ABAT: variants seen among roughly 807,000 people sequenced by gnomAD.
ABAT encodes 4-aminobutyrate aminotransferase.
ABAT carries 45 observed loss-of-function variants against 64.6 expected under a neutral mutation model. The ratio of observed to expected loss-of-function variants is 0.70; its 90% CI spans 0.55 to 0.89. The LOEUF (loss-of-function observed/expected upper bound fraction) is 0.89, where lower values mean the gene tolerates loss of function less well. ABAT is among the 40% of genes least tolerant of loss of function. The pLI, the probability that ABAT is intolerant of heterozygous loss-of-function variation, is 0.00. For missense variants in ABAT, 633 were observed against 658.4 expected, an observed-to-expected ratio of 0.96 and a Z score of 0.42; for synonymous variants, 297 against 250.5, an observed-to-expected ratio of 1.19 and a Z score of -1.75.
chr16:8,773,182 C>A (rs1411326053), intron 12 of ABAT, among the ~76,000 whole-genome samples: 1 of 149,742 alleles, frequency 6.7e-6, no homozygotes, highest in Non-Finnish European at 1.5e-5. Flanking sequence ...GACAGAGTCT[C>A]ACTCTGTTAC....
At chr16:8,712,367 G>T (rs2058096242) in intron 1 of ABAT, among the ~76,000 whole-genome samples, 1 of 152,212 alleles carries the variant, frequency 6.6e-6, no homozygotes, top group South Asian at 2.1e-4. Context: ...AAAACAGGAT[G>T]TGATAAAGCA....
chr16:8,779,726 C>T (rs756311926), intron 15 of ABAT, 136 bp downstream of exon 15: 1 of 721,022 alleles, frequency 1.4e-6, no homozygotes, highest in Non-Finnish European at 2.5e-6. Flanking sequence ...AGCCTGAATG[C>T]TCTTTCTCCA....
chr16:8,699,631 G>A lies in ABAT; in HGVS notation c.-42+24920G>A, dbSNP rs148386266. 3.0e-3 allele frequency among the ~76,000 whole-genome samples: 462 copies of A among 151,562 alleles called. 5 individuals carry two copies. The highest frequency in any genetic ancestry group is 0.01 in the African/African-American group (432 of 41,324). On this transcript the variant is annotated intron_variant, in intron 1 of 15. Coordinates refer to ENST00000268251, the MANE Select transcript of ABAT (RefSeq NM_020686.6). ...GGCTGGAGTGCAGTGGTGTGATCTCGGCTCACTGCAACCTTGGCCTCCTGG... is the reference window on the plus strand; with the variant it reads ...GGCTGGAGTGCAGTGGTGTGATCTCAGCTCACTGCAACCTTGGCCTCCTGG...
intron 1 of ABAT, among the ~76,000 whole-genome samples, chr16:8,726,038 T>A (rs1019659002): frequency 6.6e-5 from 10 of 151,766 alleles, no homozygotes; most frequent in Non-Finnish European, 1.0e-4. Flanking sequence ...TTCTTTCTAA[T>A]TTTTTTTGTA....
chr16:8,685,651 G>C (rs1289158452), intron 1 of ABAT, among the ~76,000 whole-genome samples: 2 of 152,154 alleles, frequency 1.3e-5, no homozygotes, highest in African/African-American at 4.8e-5. Flanking sequence ...ACTCCAGCCT[G>C]GGCAACAGAG....
rs1216400203 is a variant in ABAT, at chr16:8,776,391, G to T, written c.1170G>T (p.Leu390=). ...GGCTGGGGGACCCGTCCAAGAACCT[G>T]TTGCTGGCTGAGGTCATCAACATCA... ...NTWLGDPSKN[L]LLAEVINIIK... The change falls in exon 14 of 16, where the codon CTG becomes CTT. Residue 390 remains leucine, a synonymous_variant. Transcript: ENST00000268251. This position sits in a 1 kb window ranked among gnomAD's most constrained non-coding sequence, Gnocchi z 4.4. 1.2e-6 allele frequency: 2 copies of T among 1,614,218 alleles called. No homozygotes were observed. Among genetic ancestry groups the T allele is most frequent in the Non-Finnish European group, 1.7e-6 (2 of 1,180,042 alleles).
At chr16:8,718,662 A>T (rs2058279911) in intron 1 of ABAT, among the ~76,000 whole-genome samples, 1 of 152,192 alleles carries the variant, frequency 6.6e-6, no homozygotes, top group Non-Finnish European at 1.5e-5. Context: ...CTCTGGGAAG[A>T]TGACCCCTAA....
intron 1 of ABAT, among the ~76,000 whole-genome samples, chr16:8,697,799 C>G (rs2057736982): frequency 6.6e-6 from 1 of 152,070 alleles, no homozygotes; most frequent in Admixed American, 6.6e-5. Context: ...CCACGCCCAG[C>G]TAATTTTTTG....
chr16:8,727,059 T>C (rs1335081407), intron 1 of ABAT, among the ~76,000 whole-genome samples: 4 of 152,158 alleles, frequency 2.6e-5, no homozygotes, highest in Non-Finnish European at 4.4e-5. Flanking sequence ...TTCTATAGAG[T>C]TGTTTGACCT....
Position 8,784,082 on chromosome 16 carries a change from G to A in ABAT, c.*2652G>A, listed in dbSNP as rs1341600497. 6.6e-6 allele frequency: 1 copy of A among 152,526 alleles called. No individual in the cohort carries two copies. Among genetic ancestry groups the A allele is most frequent in the African/African-American group, 2.4e-5 (1 of 41,434 alleles). The allele number at this position is 152,526 out of a possible 1,614,324, so 9.4% of individuals were successfully genotyped here. ...AAGCTGGTAAAAACATGGGGAGCCC[G>A]GAGGACAGGCTGCTGTCCAGGGCAG... is the stretch of plus-strand genomic sequence containing the variant. On this transcript the variant is annotated 3_prime_UTR_variant, in exon 16 of 16. Coordinates refer to ENST00000268251, the MANE Select transcript of ABAT (RefSeq NM_020686.6).
In ABAT at chr16:8,774,905, T is replaced by C; in HGVS notation, c.970T>C (p.Leu324=). ...DIARKHGCAF[L]VDEVQTGGGC... Reference sequence around the variant, plus strand: ...CTCCGGCCAGCATGGCTGCGCCTTCTTGGTGGACGAGGTCCAGACCGGAGG... The same window carrying C: ...CTCCGGCCAGCATGGCTGCGCCTTCCTGGTGGACGAGGTCCAGACCGGAGG... The change falls in exon 13 of 16, where the codon TTG becomes CTG. Residue 324 remains leucine (L), a synonymous_variant. Transcript: ENST00000268251. 1 of 1,614,154 alleles carries C rather than the reference T, an allele frequency of 6.2e-7. No individual in the cohort carries two copies. Among genetic ancestry groups the C allele is most frequent in the South Asian group, 1.1e-5 (1 of 91,084 alleles).
At chr16:8,722,827 C>A in intron 1 of ABAT, 1 of 1,289,140 alleles carries the variant, frequency 7.8e-7, no homozygotes, top group African/African-American at 1.5e-5. Flanking sequence ...GAGGGATATA[C>A]TAATGCAACT....
chr16:8,777,083 T>C (rs960656323), intron 14 of ABAT, among the ~76,000 whole-genome samples: 2 of 151,878 alleles, frequency 1.3e-5, no homozygotes, highest in East Asian at 1.9e-4. Flanking sequence ...GTATTTTGAA[T>C]AGAGACAGGG....
intron 1 of ABAT, among the ~76,000 whole-genome samples, chr16:8,687,690 C>G (rs1416017570): frequency 6.6e-6 from 1 of 152,182 alleles, no homozygotes; most frequent in Non-Finnish European, 1.5e-5. Context: ...GGGGCTTGGG[C>G]TGAGGCCTGT....
intron 2 of ABAT, chr16:8,738,502 T>A (rs1567296142): frequency 4.4e-6 from 2 of 454,646 alleles, no homozygotes; most frequent in Non-Finnish European, 8.8e-6. Context: ...CCTCCTCTGG[T>A]CTGTGACAGT....
At chr16:8,710,106 C>T (rs2058035794) in intron 1 of ABAT, among the ~76,000 whole-genome samples, 1 of 152,062 alleles carries the variant, frequency 6.6e-6, no homozygotes, top group Non-Finnish European at 1.5e-5. Context: ...AACCACCAAG[C>T]CCAGCCAGTT....
chr16:8,737,988 G>GAAAGAAAGAAAGAAA (rs1491569008), intron 2 of ABAT, among the ~76,000 whole-genome samples: 3 of 51,776 alleles, frequency 5.8e-5, no homozygotes, highest in African/African-American at 1.1e-4. Flanking sequence ...AAGGAAGGAA[G>GAAAGAAAGAAAGAAA]GAGGAAAGAA....
intron 9 of ABAT, among the ~76,000 whole-genome samples, 156 bp from the exon 10 acceptor site, chr16:8,768,037 G>C (rs1294238457): frequency 6.6e-6 from 1 of 152,042 alleles, no homozygotes; most frequent in Admixed American, 6.5e-5. Context: ...CGTGTGTCTT[G>C]GATATAGACC....
Position 8,772,863 on chromosome 16 carries a change from A to G in ABAT, c.900A>G (p.Gly300=). 1 of 1,614,052 alleles carries G rather than the reference A, an allele frequency of 6.2e-7. No homozygotes were observed. The highest frequency in any genetic ancestry group is 8.5e-7 in the Non-Finnish European group (1 of 1,180,012). ...TGGAGCCCATCCAGTCCGAGGGTGG[A>G]GACAACCACGCATCCGATGACTTCT... is the stretch of plus-strand genomic sequence containing the variant. The part of the protein sequence containing the change: ...IIVEPIQSEG[G]DNHASDDFFR... The change falls in exon 12 of 16, where the codon GGA becomes GGG. Residue 300 remains glycine (G), a synonymous_variant. Coordinates refer to ENST00000268251, the MANE Select transcript of ABAT (RefSeq NM_020686.6).
Sources: allele counts gnomAD v4.1 joint callset (sites outside exome capture counted in the v4.1 genomes callset), GRCh38; gene constraint gnomAD v4.1.1; non-coding constraint Gnocchi (gnomAD v3.1); transcripts MANE v1.5; gene names NCBI Gene and HGNC (gene_info 2026-07-23, HGNC 2026-07-21).